Variants in IPO7 observed in about 807,000 individuals in gnomAD.
IPO7 encodes the protein importin 7, also known as importin-7.
In IPO7, 13 loss-of-function variants were observed where a neutral mutation model predicts 136.4. The observed-to-expected ratio is 0.10, with a 90% CI of 0.06 to 0.15. The LOEUF (loss-of-function observed/expected upper bound fraction) is 0.15. IPO7 is among the 10% of genes least tolerant of loss of function. IPO7 has a pLI of 1.00. For synonymous variants in IPO7, 403 were observed against 404.4 expected (o/e 1.00, Z 0.04); for missense variants, 857 against 1,240.6 (o/e 0.69, Z 4.65).
In IPO7 at chr11:9,385,000, G is replaced by T. The variant is rs190306557; in HGVS notation, c.84+153G>T. Among the ~76,000 whole-genome samples the T allele has an allele frequency of 1.6e-4, 25 of 152,296 alleles. 1 individual carries two copies. The highest frequency in any genetic ancestry group is 5.8e-4 in the African/African-American group (24 of 41,574). ...ATCTGACGGCGACTTCCACGCCGGGGCGCCTCGGTGTGGTGTGGTGGTGGT... is the reference window on the plus strand; with the variant it reads ...ATCTGACGGCGACTTCCACGCCGGGTCGCCTCGGTGTGGTGTGGTGGTGGT... On this transcript the variant is annotated intron_variant, in intron 1 of 24. Transcript: ENST00000379719.
intron 20 of IPO7, 149 bp downstream of exon 20, chr11:9,436,515 C>T (rs974728117): frequency 1.1e-5 from 6 of 554,326 alleles, no homozygotes; most frequent in South Asian, 2.5e-5. Context: ...CAAAATGTAA[C>T]TAATATATAA....
At chr11:9,398,865 T>A (rs10770028) in intron 1 of IPO7, among the ~76,000 whole-genome samples, 81,067 of 152,012 alleles carry the variant, frequency 0.53, 23,035 homozygotes, top group Non-Finnish European at 0.64. Flanking sequence ...ATCTGTTAAA[T>A]ATGTTTCTTT....
chr11:9,392,195 G>A (rs1218685822), intron 1 of IPO7: 11 of 34,444 alleles, frequency 3.2e-4, no homozygotes, highest in Non-Finnish European at 5.4e-4. Context: ...TTTTTTTTTT[G>A]AGACGGAGTT....
At chr11:9,393,405 G>A (rs540415829) in intron 1 of IPO7, among the ~76,000 whole-genome samples, 1 of 151,940 alleles carries the variant, frequency 6.6e-6, no homozygotes, top group African/African-American at 2.4e-5. Flanking sequence ...TTCTTGAGAC[G>A]GAGTCTCACT....
intron 6 of IPO7, among the ~76,000 whole-genome samples, chr11:9,418,970 C>G (rs1055469159): frequency 6.6e-6 from 1 of 152,132 alleles, no homozygotes; most frequent in Admixed American, 6.5e-5. Context: ...TGAGCGGTAT[C>G]CCATTGTATA....
chr11:9,440,771 G>A lies in IPO7; in HGVS notation c.2902+110G>A, dbSNP rs117648645. The stretch of plus-strand genomic sequence containing the variant: ...GGATATCAAACCCAGACTAGAAAAG[G>A]CTGGTTAGGCAAAGTAACCAAAATT... On this transcript the variant is annotated intron_variant, in intron 23 of 24. Transcript: ENST00000379719. 1,361 of 850,702 alleles carry A rather than the reference G, an allele frequency of 1.6e-3. 16 individuals carry two copies. The East Asian group carries it at 0.031, about 20-fold the overall frequency. The allele number at this position is 850,702 out of a possible 1,614,324, so 52.7% of individuals were successfully genotyped here. A position where few individuals can be genotyped will look rare whatever the true frequency, so the allele number is the denominator to read the frequency against.
At position 9,409,570 on chromosome 11, in the gene IPO7, G is replaced by A. The variant is rs1412650427; in HGVS notation, c.321-358G>A. On this transcript the variant is annotated intron_variant, in intron 3 of 24. Coordinates refer to ENST00000379719, the MANE Select transcript of IPO7 (RefSeq NM_006391.3). ...AATTTTTGTGTTTTTAGTAGAGATG[G>A]GGTTTCACCATGTTGGCCAGGATGG... Among the ~76,000 whole-genome samples, 3 of 152,024 alleles carry A rather than the reference G, an allele frequency of 2.0e-5. No individual in the cohort carries two copies. The East Asian group carries it at 5.8e-4, about 29-fold the overall frequency.
In IPO7 at chr11:9,433,549, AT is replaced by A. The variant is rs745517857; in HGVS notation, c.1882-13del. On this transcript the variant is annotated intron_variant, in intron 16 of 24. Transcript: ENST00000379719. ...ATTTAGTAGGCTGTAACTGCATATG[AT>A]TTTTTTTCTTCTCTTTTAGATAACC... 17 of 1,591,276 alleles carry A rather than the reference AT, an allele frequency of 1.1e-5. No homozygotes were observed. Among genetic ancestry groups the A allele is most frequent in the Middle Eastern group, 2.2e-4 (1 of 4,502 alleles).
chr11:9,390,281 T>TTG (rs199592752), intron 1 of IPO7, among the ~76,000 whole-genome samples: 22 of 151,636 alleles, frequency 1.5e-4, no homozygotes, highest in African/African-American at 3.6e-4. Flanking sequence ...TCTTGATATT[T>TTG]TGTGTGTGTG....
intron 24 of IPO7, among the ~76,000 whole-genome samples, chr11:9,442,906 C>T (rs1855478263): frequency 1.3e-5 from 2 of 152,024 alleles, no homozygotes; most frequent in Non-Finnish European, 2.9e-5. Flanking sequence ...GCCTATATTC[C>T]CAGCTACTCA....
intron 1 of IPO7, among the ~76,000 whole-genome samples, chr11:9,387,165 G>T (rs753040077): frequency 6.6e-6 from 1 of 152,198 alleles, no homozygotes; most frequent in Non-Finnish European, 1.5e-5. Flanking sequence ...ATTCTATGAT[G>T]TCTCTCATTC....
rs1295227270 is a variant in IPO7 at position 9,436,378 on chromosome 11, T to C, written c.2268+12T>C. 5 of 1,574,830 alleles carry C rather than the reference T, an allele frequency of 3.2e-6. No individual in the cohort carries two copies. The highest frequency in any genetic ancestry group is 1.1e-5 in the South Asian group (1 of 88,838). ...GTGGCATTGACCAGGTCAGTGAAGC[T>C]AATAATGATTTGTAGTTCAGAGGGG... is the stretch of plus-strand genomic sequence containing the variant. On this transcript the variant is annotated intron_variant, in intron 20 of 24. Coordinates refer to ENST00000379719, the MANE Select transcript of IPO7 (RefSeq NM_006391.3).
intron 24 of IPO7, among the ~76,000 whole-genome samples, chr11:9,444,802 A>G (rs1016883731): frequency 7.0e-6 from 1 of 142,636 alleles, no homozygotes; most frequent in African/African-American, 2.6e-5. Flanking sequence ...GTGCCGCTGC[A>G]CTCCAGCCTG....
At chr11:9,436,396 C>T (rs994554834) in intron 20 of IPO7, 30 bp downstream of exon 20, 1 of 1,419,938 alleles carries the variant, frequency 7.0e-7, no homozygotes. Context: ...ATTTGTAGTT[C>T]AGAGGGGTAA....
At chr11:9,398,437 T>C (rs951773708) in intron 1 of IPO7, among the ~76,000 whole-genome samples, 2 of 152,194 alleles carry the variant, frequency 1.3e-5, no homozygotes, top group Non-Finnish European at 2.9e-5. Flanking sequence ...AGAAAAGGCT[T>C]CTGTAAGGAA....
At chr11:9,439,656 A>T (rs1590454762) in intron 22 of IPO7, among the ~76,000 whole-genome samples, 1 of 150,576 alleles carries the variant, frequency 6.6e-6, no homozygotes. Context: ...GCTCACTGCA[A>T]CCTCCGACTC....
intron 22 of IPO7, among the ~76,000 whole-genome samples, chr11:9,438,871 G>C (rs1447645239): frequency 6.6e-6 from 1 of 152,160 alleles, no homozygotes; most frequent in African/African-American, 2.4e-5. Flanking sequence ...ATGTCATGCA[G>C]TTCTTCAAAA....
chr11:9,407,246 A>C (rs893251480), intron 2 of IPO7, among the ~76,000 whole-genome samples: 1 of 152,140 alleles, frequency 6.6e-6, no homozygotes, highest in East Asian at 1.9e-4. Flanking sequence ...TGTTGGTCCT[A>C]TTTGATTCTT....
At chr11:9,395,383 A>G (rs576414834) in intron 1 of IPO7, among the ~76,000 whole-genome samples, 1 of 152,114 alleles carries the variant, frequency 6.6e-6, no homozygotes, top group East Asian at 1.9e-4. Context: ...AGCTGGGATT[A>G]CAGGCGCCCC....
Sources: gnomAD v4.1 joint callset for allele counts (sites outside exome capture counted in the v4.1 genomes callset) on GRCh38, gnomAD v4.1.1 for gene constraint, MANE v1.5 for transcripts, NCBI Gene and HGNC (gene_info 2026-07-23, HGNC 2026-07-21) for gene names.